Variants in PKNOX2 observed in about 807,000 individuals in gnomAD.
The protein encoded by PKNOX2 is PBX/knotted 1 homeobox 2.
Under a neutral mutation model 53.1 loss-of-function variants are expected in PKNOX2, and 14 were observed. That is an observed-to-expected ratio of 0.26 (90% CI 0.17 to 0.41). PKNOX2 has a LOEUF of 0.41. PKNOX2 is among the 10% of genes least tolerant of loss of function. The pLI, the probability that PKNOX2 is intolerant of heterozygous loss-of-function variation, is 1.00. For missense variants in PKNOX2, 496 were observed against 602.8 expected, an observed-to-expected ratio of 0.82 and a Z score of 1.85; for synonymous variants, 257 against 242.8, an observed-to-expected ratio of 1.06 and a Z score of -0.54.
At chr11:125,363,183 G>A (rs192541452) in intron 4 of PKNOX2, among the ~76,000 whole-genome samples, 1 of 152,130 alleles carries the variant, frequency 6.6e-6, no homozygotes, top group Non-Finnish European at 1.5e-5. Flanking sequence ...GCCTCTCAAA[G>A]CACTGGGATT....
intron 1 of PKNOX2, among the ~76,000 whole-genome samples, chr11:125,178,465 T>C (rs79353127): frequency 0.17 from 24,860 of 147,252 alleles, 4,560 homozygotes; most frequent in African/African-American, 0.47. Context: ...GAGCCGAGAT[T>C]GTGCCATTAC....
intron 2 of PKNOX2, chr11:125,239,485 A>G (rs66665027): frequency 0.15 from 23,038 of 152,154 alleles, 1,766 homozygotes; most frequent in Admixed American, 0.16. Flanking sequence ...GGGGACTTGC[A>G]AGGAGAGAGA....
Position 125,195,815 on chromosome 11 carries a change from G to A in PKNOX2, c.-201+31039G>A, listed in dbSNP as rs1418360125. Among the ~76,000 whole-genome samples the A allele has an allele frequency of 2.6e-5, 4 of 151,918 alleles. No homozygotes were observed. In the East Asian group the frequency reaches 7.7e-4, roughly 29 times the overall value. ...GGTTTTGAATGTCAGGGTTCTTAAAGTGTTTGTGCGATGGCCTCCTTGAGG... is the reference window on the plus strand; with the variant it reads ...GGTTTTGAATGTCAGGGTTCTTAAAATGTTTGTGCGATGGCCTCCTTGAGG... On this transcript the variant is annotated intron_variant, in intron 1 of 12. Coordinates refer to ENST00000298282, the MANE Select transcript of PKNOX2 (RefSeq NM_001382323.2).
intron 1 of PKNOX2, chr11:125,184,167 T>G (rs1389192290): frequency 6.6e-6 from 1 of 152,080 alleles, no homozygotes; most frequent in Admixed American, 6.6e-5. Context: ...ACAAGAGATG[T>G]TACAGGACAG....
chr11:125,177,615 C>T (rs893203517), intron 1 of PKNOX2, among the ~76,000 whole-genome samples: 1 of 152,184 alleles, frequency 6.6e-6, no homozygotes, highest in Admixed American at 6.5e-5. Flanking sequence ...CTGCTCCAGT[C>T]CTGGCCTCAG....
At chr11:125,176,793 A>G (rs1265732264) in intron 1 of PKNOX2, among the ~76,000 whole-genome samples, 1 of 152,220 alleles carries the variant, frequency 6.6e-6, no homozygotes, top group Non-Finnish European at 1.5e-5. Flanking sequence ...GCTGGGCACC[A>G]GGAGAATGCT....
chr11:125,273,105 G>A (rs573357162), intron 2 of PKNOX2, among the ~76,000 whole-genome samples: 1 of 152,236 alleles, frequency 6.6e-6, no homozygotes, highest in Non-Finnish European at 1.5e-5. Context: ...GGCCCGGAGA[G>A]ACTGGCTGTG....
At chr11:125,248,740 T>C (rs1488793844) in intron 2 of PKNOX2, among the ~76,000 whole-genome samples, 1 of 148,078 alleles carries the variant, frequency 6.8e-6, no homozygotes. Context: ...ATATATACAT[T>C]TTATACAAGC....
chr11:125,319,532 A>G (rs1209789969), intron 2 of PKNOX2, among the ~76,000 whole-genome samples: 1 of 152,246 alleles, frequency 6.6e-6, no homozygotes, highest in Admixed American at 6.5e-5. Flanking sequence ...TAATATTTTT[A>G]AGTGCTACCA....
chr11:125,291,917 G>T (rs1290307997), intron 2 of PKNOX2, among the ~76,000 whole-genome samples: 2 of 152,220 alleles, frequency 1.3e-5, no homozygotes, highest in African/African-American at 4.8e-5. Flanking sequence ...AGGAGGTAGA[G>T]ATGGGGAATT....
At chr11:125,314,123 T>C (rs1432625429) in intron 2 of PKNOX2, among the ~76,000 whole-genome samples, 1 of 152,178 alleles carries the variant, frequency 6.6e-6, no homozygotes, top group Non-Finnish European at 1.5e-5. Flanking sequence ...CCTGTGGGTA[T>C]GCAGAGGAGA....
Position 125,367,973 on chromosome 11 carries a change from G to T in PKNOX2, c.215G>T (p.Arg72Leu). The T allele has an allele frequency of 1.2e-6, 2 of 1,613,182 alleles. No individual in the cohort carries two copies. The change falls in exon 5 of 13, where the codon CGA becomes CTA. Residue 72 changes from arginine to leucine, a missense_variant. Physicochemically the swap from Arg to Leu is moderately radical, Grantham distance 102. Transcript: ENST00000298282. ...CAGGCCCAGCTGGAGGCTGACAAGC[G>T]AGCTGTATACAGGTAGGAGACACTT... Reference protein sequence around the residue: ...DPQAQLEADKRAVYRHPLFPL... With the variant: ...DPQAQLEADKLAVYRHPLFPL...
intron 6 of PKNOX2, among the ~76,000 whole-genome samples, chr11:125,393,171 AAAAAGAG>A: frequency 6.6e-6 from 1 of 151,492 alleles, no homozygotes; most frequent in Non-Finnish European, 1.5e-5. Flanking sequence ...AAAAAAAAAA[AAAAAGAG>A]AGAAGAGAAA....
At chr11:125,394,197 A>T (rs1954251850) in intron 6 of PKNOX2, among the ~76,000 whole-genome samples, 1 of 152,212 alleles carries the variant, frequency 6.6e-6, no homozygotes, top group African/African-American at 2.4e-5. Flanking sequence ...TTACACTGAG[A>T]GACATAGACC....
rs534625837 is a variant in PKNOX2 at position 125,365,053 on chromosome 11, G to A, written c.88-2793G>A. ...GTTGTCTCCTTGTTATAGATCAAATGCATTGCTTGTAGTTTGGCCCTTCGA... is the reference window on the plus strand; with the variant it reads ...GTTGTCTCCTTGTTATAGATCAAATACATTGCTTGTAGTTTGGCCCTTCGA... On this transcript the variant is annotated intron_variant, in intron 4 of 12. Transcript: ENST00000298282. Among the ~76,000 whole-genome samples, 119 of 152,184 alleles carry A rather than the reference G, an allele frequency of 7.8e-4. 1 individual carries two copies. In the Middle Eastern group the frequency reaches 0.01, roughly 13 times the overall value.
intron 1 of PKNOX2, among the ~76,000 whole-genome samples, chr11:125,179,328 G>A (rs189580821): frequency 4.6e-5 from 7 of 152,206 alleles, no homozygotes; most frequent in East Asian, 1.9e-4. Flanking sequence ...AATGACATAC[G>A]AGCTTTGAGG....
At chr11:125,382,866 C>T (rs180747022) in intron 5 of PKNOX2, among the ~76,000 whole-genome samples, 169 of 152,358 alleles carry the variant, frequency 1.1e-3, no homozygotes, top group African/African-American at 3.1e-3. Flanking sequence ...ACCAGCTTCC[C>T]GGTAGATCTT....
intron 2 of PKNOX2, among the ~76,000 whole-genome samples, chr11:125,249,798 G>A (rs1034753242): frequency 1.3e-5 from 2 of 152,176 alleles, no homozygotes; most frequent in Non-Finnish European, 2.9e-5. Flanking sequence ...GGCTGCACGC[G>A]GTAGCTCACG....
intron 1 of PKNOX2, among the ~76,000 whole-genome samples, chr11:125,209,285 G>A (rs896433945): frequency 6.6e-6 from 1 of 152,068 alleles, no homozygotes; most frequent in East Asian, 1.9e-4. Context: ...GATCCTGTAT[G>A]CTGGGCCAGT....
Sources: allele counts gnomAD v4.1 joint callset (sites outside exome capture counted in the v4.1 genomes callset), GRCh38; gene constraint gnomAD v4.1.1; transcripts MANE v1.5; gene names NCBI Gene and HGNC (gene_info 2026-07-23, HGNC 2026-07-21).